SAMMSON: variants seen among roughly 807,000 people sequenced by gnomAD.
The protein encoded by SAMMSON is long intergenic non-protein coding RNA 1212.
chr3:70,136,883 C>T (rs924409082), intron 4 of SAMMSON, among the ~76,000 whole-genome samples: 3 of 152,030 alleles, frequency 2.0e-5, no homozygotes, highest in African/African-American at 7.2e-5. Flanking sequence ...TAGTTATGAT[C>T]AACAGAAAAC....
At chr3:70,410,777 T>A (rs1485644582) in intron 2 of SAMMSON, among the ~76,000 whole-genome samples, 1 of 152,158 alleles carries the variant, frequency 6.6e-6, no homozygotes, top group East Asian at 1.9e-4. Flanking sequence ...TAAATAGAAA[T>A]GAAAAGTATT....
At chr3:70,329,724 A>C (rs1200199666) in intron 7 of SAMMSON, among the ~76,000 whole-genome samples, 1 of 152,010 alleles carries the variant, frequency 6.6e-6, no homozygotes, top group Non-Finnish European at 1.5e-5. Context: ...AAAATCACAC[A>C]ATAGAATCTT....
intron 6 of SAMMSON, among the ~76,000 whole-genome samples, chr3:70,276,337 C>T (rs543397361): frequency 1.1e-4 from 17 of 152,266 alleles, no homozygotes; most frequent in African/African-American, 4.1e-4. Flanking sequence ...CTTATGAACA[C>T]ACTTTCTTCA....
intron 2 of SAMMSON, among the ~76,000 whole-genome samples, chr3:70,416,874 AT>A (rs1161420591): frequency 6.6e-6 from 1 of 152,110 alleles, no homozygotes; most frequent in Non-Finnish European, 1.5e-5. Flanking sequence ...GAGCTAATAG[AT>A]TTTTTTCACT....
chr3:70,238,616 GA>G (rs144973336), intron 4 of SAMMSON, among the ~76,000 whole-genome samples: 2,660 of 144,332 alleles, frequency 0.018, 35 homozygotes, highest in East Asian at 0.045. Flanking sequence ...TCTCAAAAAA[GA>G]AAAAAAAAAG....
chr3:70,172,271 C>CTTTT (rs5742405), intron 4 of SAMMSON: 1 of 135,016 alleles, frequency 7.4e-6, no homozygotes. Flanking sequence ...CATTAGTGGT[C>CTTTT]TTTTTTTTTT....
At chr3:70,423,666 C>T (rs1701331031) in intron 2 of SAMMSON, among the ~76,000 whole-genome samples, 1 of 152,164 alleles carries the variant, frequency 6.6e-6, no homozygotes, top group African/African-American at 2.4e-5. Context: ...CTTTAACTAA[C>T]ATGAGGTCTA....
intron 4 of SAMMSON, among the ~76,000 whole-genome samples, chr3:70,097,917 TG>T (rs1316114030): frequency 9.8e-5 from 15 of 152,348 alleles, no homozygotes; most frequent in Admixed American, 7.2e-4. Context: ...CTACAAAGCT[TG>T]AGAAATGAAT....
chr3:70,221,270 C>G (rs548452569), intron 4 of SAMMSON, among the ~76,000 whole-genome samples: 15 of 152,140 alleles, frequency 9.9e-5, no homozygotes, highest in Non-Finnish European at 1.9e-4. Flanking sequence ...TCACTTCACA[C>G]TATGAGAAGC....
At chr3:70,161,139 G>T (rs924950859) in intron 4 of SAMMSON, among the ~76,000 whole-genome samples, 1 of 151,814 alleles carries the variant, frequency 6.6e-6, no homozygotes, top group African/African-American at 2.4e-5. Context: ...TTCCAGCCTA[G>T]ATGTCTTTCT....
At chr3:70,059,739 C>T (rs1215897718) in intron 3 of SAMMSON, among the ~76,000 whole-genome samples, 2 of 152,046 alleles carry the variant, frequency 1.3e-5, no homozygotes, top group Non-Finnish European at 2.9e-5. Context: ...TCTGAGCATC[C>T]CTTAGCCCAG....
At chr3:70,029,800 T>A (rs2067057665) in intron 3 of SAMMSON, among the ~76,000 whole-genome samples, 1 of 152,010 alleles carries the variant, frequency 6.6e-6, no homozygotes, top group Non-Finnish European at 1.5e-5. Context: ...AATAGCTGCT[T>A]ATTGAATTAG....
intron 4 of SAMMSON, among the ~76,000 whole-genome samples, chr3:70,114,069 C>T (rs760541429): frequency 5.9e-5 from 9 of 152,140 alleles, no homozygotes; most frequent in Admixed American, 3.3e-4. Context: ...GGTTCCCTGA[C>T]GAGGTCGGAA....
chr3:70,428,269 G>A (rs1246461424), intron 2 of SAMMSON, among the ~76,000 whole-genome samples: 1 of 152,088 alleles, frequency 6.6e-6, no homozygotes. Context: ...ACATGGAAAT[G>A]CAAACGGCCT....
intron 4 of SAMMSON, among the ~76,000 whole-genome samples, chr3:70,121,176 A>G (rs1282778795): frequency 6.6e-6 from 1 of 152,188 alleles, no homozygotes; most frequent in Non-Finnish European, 1.5e-5. Context: ...CAGGAGGCGG[A>G]GCTCAGGTGG....
At chr3:70,333,618 A>T (rs1352720808) in intron 7 of SAMMSON, among the ~76,000 whole-genome samples, 2 of 152,092 alleles carry the variant, frequency 1.3e-5, no homozygotes, top group African/African-American at 4.8e-5. Flanking sequence ...TTCTTTTCAC[A>T]CTTTTACATA....
chr3:70,045,959 C>G (rs1029247689), intron 3 of SAMMSON, among the ~76,000 whole-genome samples: 6 of 152,060 alleles, frequency 3.9e-5, no homozygotes, highest in African/African-American at 1.4e-4. Flanking sequence ...GAAAATAACT[C>G]TGTTCAGAGG....
chr3:70,429,583 T>G (rs1701397602), intron 2 of SAMMSON, among the ~76,000 whole-genome samples: 2 of 152,238 alleles, frequency 1.3e-5, no homozygotes, highest in South Asian at 4.1e-4. Flanking sequence ...ATGATATTGA[T>G]TCTTCCTATC....
intron 4 of SAMMSON, among the ~76,000 whole-genome samples, chr3:70,173,251 C>T (rs935359251): frequency 6.6e-6 from 1 of 151,978 alleles, no homozygotes; most frequent in East Asian, 1.9e-4. Flanking sequence ...TATTTTTCAG[C>T]AGACTATTTT....
Sources: allele counts gnomAD v4.1 joint callset (sites outside exome capture counted in the v4.1 genomes callset), GRCh38; gene constraint gnomAD v4.1.1; transcripts MANE v1.5; gene names NCBI Gene and HGNC (gene_info 2026-07-23, HGNC 2026-07-21).